Variants in RANBP3L observed in about 807,000 individuals in gnomAD.
RANBP3L encodes ran-binding protein 3-like.
Under a neutral mutation model 67.2 loss-of-function variants are expected in RANBP3L, and 56 were observed. The ratio of observed to expected loss-of-function variants is 0.83; its 90% CI spans 0.67 to 1.04. The LOEUF is 1.04. Ranked by LOEUF, RANBP3L falls within the 50% of genes least tolerant of loss-of-function variation. RANBP3L has a pLI of 0.00. For missense variants in RANBP3L, 496 were observed against 535.5 expected, an observed-to-expected ratio of 0.93 and a Z score of 0.73; for synonymous variants, 164 against 181.4, an observed-to-expected ratio of 0.90 and a Z score of 0.77.
At chr5:36,276,878 A>G (rs1036518933) in intron 1 of RANBP3L, among the ~76,000 whole-genome samples, 3 of 152,170 alleles carry the variant, frequency 2.0e-5, no homozygotes, top group Non-Finnish European at 4.4e-5. Flanking sequence ...GGCAGCTTCT[A>G]GAAGTCCCCA....
chr5:36,262,299 T>C (rs2111772340), intron 6 of RANBP3L, among the ~76,000 whole-genome samples: 1 of 152,302 alleles, frequency 6.6e-6, no homozygotes, highest in South Asian at 2.1e-4. Flanking sequence ...TGGCGATCTG[T>C]CTAATACCGG....
intron 3 of RANBP3L, 36 bp downstream of exon 3, chr5:36,269,915 A>G: frequency 6.4e-7 from 1 of 1,567,288 alleles, no homozygotes; most frequent in Non-Finnish European, 8.8e-7. Context: ...TGTTTGTATA[A>G]AGATTGATTT....
intron 12 of RANBP3L, 126 bp from the exon 13 acceptor site, chr5:36,251,625 C>T: frequency 1.8e-6 from 1 of 562,884 alleles, no homozygotes; most frequent in Non-Finnish European, 2.7e-6. Context: ...TACATAGGTG[C>T]TAACAACCCT....
At chr5:36,286,757 G>A (rs1751351221) in intron 1 of RANBP3L, among the ~76,000 whole-genome samples, 1 of 152,260 alleles carries the variant, frequency 6.6e-6, no homozygotes, top group Admixed American at 6.5e-5. Context: ...TAGACCAAGT[G>A]TGATTTCTAA....
intron 1 of RANBP3L, among the ~76,000 whole-genome samples, chr5:36,295,455 A>G (rs1752136628): frequency 6.6e-6 from 1 of 152,114 alleles, no homozygotes; most frequent in African/African-American, 2.4e-5. Flanking sequence ...TGCCATGATC[A>G]TAAGTTTCCT....
At chr5:36,266,544 A>T (rs1749802270) in intron 4 of RANBP3L, among the ~76,000 whole-genome samples, 1 of 152,236 alleles carries the variant, frequency 6.6e-6, no homozygotes, top group Non-Finnish European at 1.5e-5. Context: ...CAACAAAAAA[A>T]GAGCCATATT....
chr5:36,279,871 G>A (rs991294726), intron 1 of RANBP3L, among the ~76,000 whole-genome samples: 3 of 151,998 alleles, frequency 2.0e-5, no homozygotes, highest in African/African-American at 7.3e-5. Flanking sequence ...GAATCAACAT[G>A]TGAAAAAAAT....
chr5:36,283,691 A>G (rs1751137529), intron 1 of RANBP3L, among the ~76,000 whole-genome samples: 4 of 152,146 alleles, frequency 2.6e-5, no homozygotes, highest in South Asian at 2.1e-4. Flanking sequence ...TACTCTTTCA[A>G]TAGCAATATC....
At chr5:36,283,400 C>CAA (rs5867311) in intron 1 of RANBP3L, among the ~76,000 whole-genome samples, 44,875 of 142,998 alleles carry the variant, frequency 0.31, 8,121 homozygotes, top group Middle Eastern at 0.44. Flanking sequence ...AAAAATGTTA[C>CAA]AAAAAAAAAA....
intron 1 of RANBP3L, among the ~76,000 whole-genome samples, chr5:36,300,321 T>TA (rs1268239338): frequency 6.6e-6 from 1 of 152,174 alleles, no homozygotes; most frequent in East Asian, 1.9e-4. Flanking sequence ...CTGCCGACAC[T>TA]ATGCTAAGCC....
intron 1 of RANBP3L, among the ~76,000 whole-genome samples, chr5:36,278,177 A>G (rs1561126528): frequency 6.6e-6 from 1 of 152,080 alleles, no homozygotes. Flanking sequence ...TCTTCCCCAA[A>G]AGTCTTTCTT....
chr5:36,257,434 A>T lies in RANBP3L; in HGVS notation c.772+20T>A. On this transcript the variant is annotated intron_variant, in intron 9 of 13. Coordinates refer to ENST00000296604, the MANE Select transcript of RANBP3L (RefSeq NM_145000.5). ...ACAAACTAGGTGAATCTAATGTTTT[A>T]CAAATGAAAGAATTCTTACTTGAAC... 8.2e-7 allele frequency: 1 copy of T among 1,216,584 alleles called. No individual in the cohort carries two copies. The highest frequency in any genetic ancestry group is 1.2e-6 in the Non-Finnish European group (1 of 830,486). 75.4% of individuals were successfully genotyped at this position (1,216,584 alleles called of 1,614,324 possible). A position where few individuals can be genotyped will look rare whatever the true frequency, so the allele number is the denominator to read the frequency against.
At chr5:36,296,794 A>G (rs974006080) in intron 1 of RANBP3L, among the ~76,000 whole-genome samples, 4 of 152,210 alleles carry the variant, frequency 2.6e-5, no homozygotes, top group African/African-American at 4.8e-5. Context: ...TGACTCAAGC[A>G]GATTGCCCTT....
At chr5:36,252,627 T>C (rs1301470317) in intron 12 of RANBP3L, among the ~76,000 whole-genome samples, 2 of 152,104 alleles carry the variant, frequency 1.3e-5, no homozygotes, top group African/African-American at 4.8e-5. Context: ...TATACTAAAA[T>C]ATAAGACCAA....
At chr5:36,278,588 A>T (rs6873106) in intron 1 of RANBP3L, among the ~76,000 whole-genome samples, 1,615 of 152,286 alleles carry the variant, frequency 0.011, 33 homozygotes, top group African/African-American at 0.037. Flanking sequence ...GTGACTACTA[A>T]CTAGTAGAGA....
chr5:36,264,003 C>T (rs1405033891), intron 6 of RANBP3L, among the ~76,000 whole-genome samples: 3 of 152,124 alleles, frequency 2.0e-5, no homozygotes, highest in African/African-American at 7.2e-5. Context: ...TGGATCTCTC[C>T]AAATAATATC....
At chr5:36,270,349 T>C (rs1185099321) in intron 2 of RANBP3L, among the ~76,000 whole-genome samples, 1 of 152,210 alleles carries the variant, frequency 6.6e-6, no homozygotes, top group African/African-American at 2.4e-5. Flanking sequence ...TGTTCTGGGA[T>C]GGGGTCCAGG....
chr5:36,249,980 A>C (rs927894101), intron 13 of RANBP3L, among the ~76,000 whole-genome samples: 19 of 151,964 alleles, frequency 1.3e-4, no homozygotes, highest in African/African-American at 4.6e-4. Context: ...GAAGATACTA[A>C]GTGAAAATGG....
In RANBP3L at chr5:36,294,806, ATATG is replaced by A. The variant is rs200330473; in HGVS notation, c.91+6516_91+6519del. 5.6e-3 allele frequency among the ~76,000 whole-genome samples: 825 copies of A among 147,988 alleles called. 9 individuals carry two copies. The highest frequency in any genetic ancestry group is 0.019 in the African/African-American group (790 of 40,650). ...TGTATAGTGTATATATATAGTGTAT[ATATG>A]TATGTATGTTTATATATACATATAT... On this transcript the variant is annotated intron_variant, in intron 1 of 13. Transcript: ENST00000296604.
Sources: allele counts gnomAD v4.1 joint callset (sites outside exome capture counted in the v4.1 genomes callset), GRCh38; gene constraint gnomAD v4.1.1; transcripts MANE v1.5; gene names NCBI Gene and HGNC (gene_info 2026-07-23, HGNC 2026-07-21).